The following GRIN2A variants were observed in gnomAD, a reference collection of about 807,000 sequenced individuals.
GRIN2A encodes the protein glutamate ionotropic receptor NMDA type subunit 2A, also known as glutamate receptor ionotropic, NMDA 2A.
In GRIN2A, 22 loss-of-function variants were observed where a neutral mutation model predicts 113.4. The observed-to-expected ratio is 0.19, with a 90% CI of 0.14 to 0.28. The LOEUF is 0.28. Ranked by LOEUF, GRIN2A falls within the 10% of genes least tolerant of loss-of-function variation. The pLI is 1.00. For synonymous variants in GRIN2A, 827 were observed against 738.4 expected, an observed-to-expected ratio of 1.12 and a Z score of -1.94; for missense variants, 1,502 against 1,887.0, an observed-to-expected ratio of 0.80 and a Z score of 3.78.
At chr16:10,037,330 C>T (rs2047055520) in intron 2 of GRIN2A, 1 of 152,178 alleles carries the variant, frequency 6.6e-6, no homozygotes, top group Non-Finnish European at 1.5e-5. Context: ...ATTAACTAAA[C>T]CAATTCTAAG....
chr16:9,754,582 C>T lies in GRIN2A; in HGVS notation c.*8567G>A. ...TGAATCTTTTGTTTTTAAACTGAAA[C>T]ATTTACGTAAGTGGTCATGGCCCCA... On this transcript the variant is annotated 3_prime_UTR_variant, in exon 13 of 13. Transcript: ENST00000330684. The T allele has an allele frequency of 4.7e-6, 1 of 212,396 alleles. No homozygotes were observed. Among genetic ancestry groups the T allele is most frequent in the Non-Finnish European group, 9.5e-6 (1 of 105,010 alleles). The allele number at this position is 212,396 out of a possible 1,614,324, so 13.2% of individuals were successfully genotyped here. A position where few individuals can be genotyped will look rare whatever the true frequency, so the allele number is the denominator to read the frequency against.
chr16:10,039,152 T>C (rs898756705), intron 2 of GRIN2A, among the ~76,000 whole-genome samples: 2 of 151,950 alleles, frequency 1.3e-5, no homozygotes, highest in Non-Finnish European at 2.9e-5. Flanking sequence ...TCCCCACTGA[T>C]GTCTGTTGAT....
intron 8 of GRIN2A, among the ~76,000 whole-genome samples, chr16:9,832,086 T>TTTTTTTTA (rs1209973656): frequency 7.4e-5 from 10 of 135,602 alleles, no homozygotes; most frequent in South Asian, 2.5e-4. Flanking sequence ...GCCAGGCTTA[T>TTTTTTTTA]TTTATTTATT....
chr16:9,830,164 A>G (rs2042464088), intron 8 of GRIN2A, among the ~76,000 whole-genome samples: 1 of 152,228 alleles, frequency 6.6e-6, no homozygotes, highest in African/African-American at 2.4e-5. Flanking sequence ...TGTACAACAT[A>G]AGAATTAAAC....
chr16:9,767,685 C>T (rs200278881), intron 12 of GRIN2A, among the ~76,000 whole-genome samples: 184 of 152,002 alleles, frequency 1.2e-3, no homozygotes, highest in African/African-American at 4.4e-3. Context: ...ATGGCTGAAA[C>T]GAATGAATGG....
At chr16:10,032,907 A>G (rs139285777) in intron 2 of GRIN2A, among the ~76,000 whole-genome samples, 1 of 152,122 alleles carries the variant, frequency 6.6e-6, no homozygotes, top group East Asian at 1.9e-4. Context: ...TCCTTAACCA[A>G]TGGAGAGTTT....
chr16:9,998,769 C>T (rs2046270768), intron 2 of GRIN2A, among the ~76,000 whole-genome samples: 1 of 151,900 alleles, frequency 6.6e-6, no homozygotes, highest in African/African-American at 2.4e-5. Flanking sequence ...TTTCTCTCCC[C>T]CTTGCCTTCC....
chr16:10,076,513 G>A (rs963375193), intron 2 of GRIN2A, among the ~76,000 whole-genome samples: 2 of 152,082 alleles, frequency 1.3e-5, no homozygotes, highest in Admixed American at 1.3e-4. Flanking sequence ...GCCCTCCCAC[G>A]CACTAGGATC....
At chr16:9,940,802 A>G (rs1395967338) in intron 2 of GRIN2A, among the ~76,000 whole-genome samples, 1 of 152,204 alleles carries the variant, frequency 6.6e-6, no homozygotes, top group African/African-American at 2.4e-5. Flanking sequence ...TGTATCCTTT[A>G]TTGATAAAGA....
chr16:9,771,200 T>A (rs1901252104), intron 11 of GRIN2A, among the ~76,000 whole-genome samples: 1 of 126,316 alleles, frequency 7.9e-6, no homozygotes, highest in Non-Finnish European at 1.6e-5. Context: ...TAGTCCCATC[T>A]TTTTTTTTTT....
In GRIN2A at chr16:9,754,982, G is replaced by T. The variant is rs2141108135; in HGVS notation, c.*8167C>A. On this transcript the variant is annotated 3_prime_UTR_variant, in exon 13 of 13. Coordinates refer to ENST00000330684, the MANE Select transcript of GRIN2A (RefSeq NM_001134407.3). ...AATTTGAAAGGCAGCTGTGGTATTG[G>T]CTATGAGTTATGTTAATATCCTATT... 1 of 206,690 alleles carries T rather than the reference G, an allele frequency of 4.8e-6. No individual in the cohort carries two copies. Among genetic ancestry groups the T allele is most frequent in the Non-Finnish European group, 9.9e-6 (1 of 101,182 alleles). The allele number at this position is 206,690 out of a possible 1,614,324, so 12.8% of individuals were successfully genotyped here.
chr16:10,049,603 T>A (rs2141981095), intron 2 of GRIN2A, among the ~76,000 whole-genome samples: 1 of 152,310 alleles, frequency 6.6e-6, no homozygotes, highest in South Asian at 2.1e-4. Context: ...GGTCTCGAAC[T>A]CCTGACATCA....
chr16:10,141,796 C>T (rs2142257268), intron 2 of GRIN2A, among the ~76,000 whole-genome samples: 1 of 152,352 alleles, frequency 6.6e-6, no homozygotes, highest in African/African-American at 2.4e-5. Context: ...CTATTTTCCA[C>T]ATTTTACAAA....
intron 4 of GRIN2A, among the ~76,000 whole-genome samples, chr16:9,881,520 G>A (rs544430696): frequency 5.3e-5 from 8 of 152,160 alleles, no homozygotes; most frequent in Non-Finnish European, 8.8e-5. Context: ...CTTGAGGCAG[G>A]GCTAAGGCCT....
chr16:9,911,341 G>A (rs1316028447), intron 3 of GRIN2A, among the ~76,000 whole-genome samples: 1 of 152,090 alleles, frequency 6.6e-6, no homozygotes, highest in Non-Finnish European at 1.5e-5. Flanking sequence ...CAAACAAAAT[G>A]GTCATAAAAT....
chr16:10,067,867 C>T (rs2047678786), intron 2 of GRIN2A, among the ~76,000 whole-genome samples: 1 of 152,212 alleles, frequency 6.6e-6, no homozygotes, highest in South Asian at 2.1e-4. Flanking sequence ...CCACCCCCTC[C>T]ACCCCACAGC....
At chr16:10,067,577 G>A (rs2047673032) in intron 2 of GRIN2A, among the ~76,000 whole-genome samples, 1 of 152,160 alleles carries the variant, frequency 6.6e-6, no homozygotes, top group Non-Finnish European at 1.5e-5. Flanking sequence ...ATGCCCGGAG[G>A]GACACCCAGG....
intron 7 of GRIN2A, among the ~76,000 whole-genome samples, chr16:9,836,708 G>A (rs1039620289): frequency 4.6e-5 from 7 of 152,182 alleles, no homozygotes; most frequent in Admixed American, 2.0e-4. Flanking sequence ...TACCACACAC[G>A]TGAATGCACA....
Position 9,769,097 on chromosome 16 carries a change from G to A in GRIN2A, c.2357-8C>T, listed in dbSNP as rs1901100102. 1.2e-6 allele frequency: 2 copies of A among 1,603,252 alleles called. No homozygotes were observed. Among genetic ancestry groups the A allele is most frequent in the Admixed American group, 3.3e-5 (2 of 59,982 alleles). On this transcript the variant is annotated splice_polypyrimidine_tract_variant and splice_region_variant and intron_variant, in intron 11 of 12. Coordinates refer to ENST00000330684, the MANE Select transcript of GRIN2A (RefSeq NM_001134407.3). ...CCAGCTCCTCCATCTCACCTGGACA[G>A]ATCACAACATTCACAGGCAGTGAGG... is the stretch of plus-strand genomic sequence containing the variant.
Sources: gnomAD v4.1 joint callset for allele counts (sites outside exome capture counted in the v4.1 genomes callset) on GRCh38, gnomAD v4.1.1 for gene constraint, MANE v1.5 for transcripts, NCBI Gene and HGNC (gene_info 2026-07-23, HGNC 2026-07-21) for gene names.